Variants in KLRG1 observed in about 807,000 individuals in gnomAD.
The protein encoded by KLRG1 is killer cell lectin like receptor G1.
Under a neutral mutation model 21.8 loss-of-function variants are expected in KLRG1, and 16 were observed. The ratio of observed to expected loss-of-function variants is 0.73; its 90% CI spans 0.50 to 1.11. The LOEUF (loss-of-function observed/expected upper bound fraction) is 1.11, where lower values mean the gene tolerates loss of function less well. KLRG1 is among the 50% of genes most tolerant of loss of function. The pLI, the probability that KLRG1 is intolerant of heterozygous loss-of-function variation, is 0.00. For missense variants in KLRG1, 173 were observed against 218.3 expected (o/e 0.79, Z 1.31); for synonymous variants, 69 against 75.9 (o/e 0.91, Z 0.47).
At position 8,992,239 on chromosome 12, in the gene KLRG1, T is replaced by C; in HGVS notation, c.116T>C (p.Val39Ala). ...SSSRPSCSCL[V>A]AIALGLLTAV... Reference sequence around the variant, plus strand: ...TCCAGGCCTTCTTGTTCTTGCCTTGTGGCAATAGCTTTGGGGCTTCTGACT... The same window carrying C: ...TCCAGGCCTTCTTGTTCTTGCCTTGCGGCAATAGCTTTGGGGCTTCTGACT... Residue 39 changes from valine to alanine, a missense_variant, in exon 2 of 5, where the codon GTG (valine) becomes GCG (alanine). Val to Ala is a moderately conservative substitution (Grantham distance 64, BLOSUM62 0). Transcript: ENST00000356986. 6.2e-7 allele frequency: 1 copy of C among 1,613,924 alleles called. No homozygotes were observed. Among genetic ancestry groups the C allele is most frequent in the Non-Finnish European group, 8.5e-7 (1 of 1,179,878 alleles).
At chr12:9,019,528 T>C in the KLRG1 span, among the ~76,000 whole-genome samples, 1 of 152,162 alleles carries the variant, frequency 6.6e-6, no homozygotes, top group African/African-American at 2.4e-5. Flanking sequence ...TAAGTGTCAA[T>C]GAATAGAAGA....
chr12:8,991,972 G>A (rs892650067), intron 1 of KLRG1: 8 of 369,088 alleles, frequency 2.2e-5, no homozygotes, highest in Non-Finnish European at 3.5e-5. Flanking sequence ...CAGTTTCAAA[G>A]GAAAAAAGCA....
chr12:9,068,165 G>A, the KLRG1 span: 1 of 1,612,862 alleles, frequency 6.2e-7, no homozygotes. Flanking sequence ...GCCTTTTGGA[G>A]GAGTGTGAGT....
the KLRG1 span, chr12:9,168,874 T>C: frequency 1.2e-6 from 2 of 1,611,904 alleles, no homozygotes; most frequent in South Asian, 1.1e-5. Flanking sequence ...TTTACCTCCA[T>C]AGTATCCTTG....
the KLRG1 span, chr12:9,106,357 G>GA: frequency 5.1e-6 from 8 of 1,568,092 alleles, no homozygotes; most frequent in East Asian, 2.3e-5. Flanking sequence ...TGAAAAAAGA[G>GA]AAAAAAATCT....
chr12:9,021,403 C>CCTTT, the KLRG1 span, among the ~76,000 whole-genome samples: 1 of 137,782 alleles, frequency 7.3e-6, no homozygotes, highest in Non-Finnish European at 1.6e-5. Flanking sequence ...CTTTTTTACT[C>CCTTT]TTTTTTTTTT....
chr12:8,961,994 G>A (rs1421462742), intron 1 of KLRG1, among the ~76,000 whole-genome samples: 1 of 152,030 alleles, frequency 6.6e-6, no homozygotes, highest in East Asian at 1.9e-4. Flanking sequence ...GCTGAGGTGG[G>A]AGAATTGTTT....
chr12:9,170,609 G>T, the KLRG1 span, among the ~76,000 whole-genome samples: 5 of 152,196 alleles, frequency 3.3e-5, no homozygotes, highest in East Asian at 1.9e-4. This position sits in a 1 kb window ranked among gnomAD's most constrained non-coding sequence, Gnocchi z 4.6. Flanking sequence ...CCTGCAGGGA[G>T]AGGTGGGTGC....
the KLRG1 span, chr12:9,101,182 C>T: frequency 2.6e-6 from 4 of 1,561,266 alleles, no homozygotes; most frequent in Admixed American, 1.9e-5. Context: ...AGTCCCAGTT[C>T]GGACAATGCC....
At chr12:9,110,381 C>A in the KLRG1 span, 2 of 1,220,010 alleles carry the variant, frequency 1.6e-6, no homozygotes, top group South Asian at 1.6e-5. Flanking sequence ...TTCAAATATT[C>A]TTAAATCTCA....
chr12:9,126,810 C>T, the KLRG1 span, among the ~76,000 whole-genome samples: 7 of 152,262 alleles, frequency 4.6e-5, no homozygotes, highest in East Asian at 1.9e-4. Flanking sequence ...CCAGTGAGGA[C>T]GCCTTAATTT....
chr12:9,187,029 G>A, the KLRG1 span, among the ~76,000 whole-genome samples: 5 of 148,780 alleles, frequency 3.4e-5, no homozygotes, highest in Middle Eastern at 3.5e-3. Flanking sequence ...GAAAAGCAGG[G>A]GTTGCAATAC....
intron 2 of KLRG1, among the ~76,000 whole-genome samples, chr12:8,993,649 T>C (rs1455924424): frequency 6.6e-6 from 1 of 152,110 alleles, no homozygotes; most frequent in East Asian, 1.9e-4. Context: ...AGTCCGACCT[T>C]TGACAAAAAG....
intron 3 of KLRG1, chr12:8,996,390 A>G (rs1947130994): frequency 1.3e-5 from 2 of 152,166 alleles, no homozygotes; most frequent in South Asian, 4.1e-4. Flanking sequence ...TGTTAGTGCT[A>G]ATTTGATACT....
At chr12:9,174,062 G>A in the KLRG1 span, among the ~76,000 whole-genome samples, 1 of 152,082 alleles carries the variant, frequency 6.6e-6, no homozygotes, top group Non-Finnish European at 1.5e-5. Context: ...GATGAACATC[G>A]ATGCAAAAAT....
chr12:8,971,619 T>C (rs774184462), intron 1 of KLRG1, among the ~76,000 whole-genome samples: 7 of 140,764 alleles, frequency 5.0e-5, no homozygotes, highest in African/African-American at 8.0e-5. Flanking sequence ...GCCTCCCAAG[T>C]AGCTGGGATT....
At chr12:9,154,232 T>C in the KLRG1 span, among the ~76,000 whole-genome samples, 1 of 152,190 alleles carries the variant, frequency 6.6e-6, no homozygotes, top group Non-Finnish European at 1.5e-5. Flanking sequence ...TGGCATCTAA[T>C]GGGGAGAGGC....
chr12:9,078,395 A>G, the KLRG1 span, among the ~76,000 whole-genome samples: 1 of 152,234 alleles, frequency 6.6e-6, no homozygotes, highest in Non-Finnish European at 1.5e-5. Flanking sequence ...GCTGCATAGT[A>G]TTCCATGATG....
chr12:9,113,892 G>A, the KLRG1 span, among the ~76,000 whole-genome samples: 5 of 152,188 alleles, frequency 3.3e-5, no homozygotes, highest in Non-Finnish European at 5.9e-5. Context: ...GCTGTAAAAA[G>A]TAAGCAAGCT....
Sources: allele counts gnomAD v4.1 joint callset (sites outside exome capture counted in the v4.1 genomes callset), GRCh38; gene constraint gnomAD v4.1.1; non-coding constraint Gnocchi (gnomAD v3.1); transcripts MANE v1.5; gene names NCBI Gene and HGNC (gene_info 2026-07-23, HGNC 2026-07-21).